Variants in LGR6 observed in about 807,000 individuals in gnomAD.
LGR6 encodes leucine rich repeat containing G protein-coupled receptor 6.
LGR6 carries 45 observed loss-of-function variants against 69.4 expected under a neutral mutation model. That is an observed-to-expected ratio of 0.65 (90% CI 0.51 to 0.83). LGR6 has a LOEUF of 0.83. Ranked by LOEUF, LGR6 falls within the 40% of genes least tolerant of loss-of-function variation. The pLI is 0.00. For missense variants in LGR6, 1,108 were observed against 1,246.7 expected, an observed-to-expected ratio of 0.89 and a Z score of 1.68; for synonymous variants, 538 against 555.0, an observed-to-expected ratio of 0.97 and a Z score of 0.43.
chr1:202,245,255 G>C (rs368226175), intron 4 of LGR6, among the ~76,000 whole-genome samples: 1 of 141,678 alleles, frequency 7.1e-6, no homozygotes, highest in Non-Finnish European at 1.5e-5. Flanking sequence ...CCAAGGTTCC[G>C]GGAGTTGATT....
At chr1:202,251,195 GAGA>G (rs919012248) in intron 4 of LGR6, among the ~76,000 whole-genome samples, 232 of 152,304 alleles carry the variant, frequency 1.5e-3, no homozygotes, top group African/African-American at 5.3e-3. Context: ...AATTCACAGA[GAGA>G]AGGTGTATGA....
intron 3 of LGR6, among the ~76,000 whole-genome samples, chr1:202,229,814 CA>C (rs1558019159): frequency 1.3e-5 from 2 of 152,202 alleles, no homozygotes. Context: ...GCCTTTGTGT[CA>C]GTCCTTGGCC....
At position 202,318,486 on chromosome 1, in the gene LGR6, C is replaced by T; in HGVS notation, c.2183C>T (p.Ala728Val). 1 of 1,613,834 alleles carries T rather than the reference C, an allele frequency of 6.2e-7. No homozygotes were observed. ...TACGCGCCACCTGAGGGTCAGCCAG[C>T]AGCCCTGGGCTTCACCGTGGCCCTG... ...LPYAPPEGQP[A>V]ALGFTVALVM... Residue 728 changes from alanine (A) to valine (V), a missense_variant, in exon 18 of 18, where the codon GCA becomes GTA. Physicochemically the swap from Ala to Val is moderately conservative, Grantham distance 64. Coordinates refer to ENST00000367278, the MANE Select transcript of LGR6 (RefSeq NM_001017403.2).
chr1:202,318,077 GT>G lies in LGR6; in HGVS notation c.1775del (p.Val592AlafsTer10), dbSNP rs113146160. ...VLLTVFAGGPVPLPPVKFVVG... is the reference protein window; with the variant it reads ...VLLTVFAGGPXPLPPVKFVVG... ...GCTGACCGTGTTCGCTGGCGGGCCT[GT>G]CCCCCTGCCCCCGGTCAAGTTTGTG... On this transcript the variant is annotated frameshift_variant, in exon 18 of 18. Transcript: ENST00000367278. LOFTEE classifies it low-confidence loss of function (END_TRUNC). The G allele has an allele frequency of 1.9e-6, 3 of 1,613,850 alleles. No individual in the cohort carries two copies. The highest frequency in any genetic ancestry group is 1.3e-5 in the African/African-American group (1 of 75,044).
chr1:202,256,873 A>G (rs530042783), intron 4 of LGR6, among the ~76,000 whole-genome samples: 6 of 152,222 alleles, frequency 3.9e-5, no homozygotes, highest in African/African-American at 1.4e-4. Context: ...ATCCTTGCCA[A>G]CACTTGTTAT....
intron 4 of LGR6, among the ~76,000 whole-genome samples, chr1:202,253,525 G>A (rs1043537970): frequency 1.6e-4 from 24 of 151,012 alleles, no homozygotes; most frequent in Admixed American, 7.9e-4. Flanking sequence ...GGCTGGTCTC[G>A]AACTCATGAC....
chr1:202,195,419 C>T (rs1034898998), intron 1 of LGR6, among the ~76,000 whole-genome samples: 3 of 152,172 alleles, frequency 2.0e-5, no homozygotes, highest in Admixed American at 6.5e-5. Flanking sequence ...GTCCCTGTCC[C>T]CAGGTTGGGA....
intron 1 of LGR6, among the ~76,000 whole-genome samples, chr1:202,217,478 CT>C (rs1486357132): frequency 6.6e-6 from 1 of 152,190 alleles, no homozygotes; most frequent in African/African-American, 2.4e-5. Flanking sequence ...AAAACCCCAC[CT>C]TTTTGTTTCT....
chr1:202,252,968 G>A (rs180794473), intron 4 of LGR6, among the ~76,000 whole-genome samples: 56 of 152,322 alleles, frequency 3.7e-4, no homozygotes, highest in African/African-American at 1.3e-3. Context: ...GGGCTTCAAC[G>A]CACCCAGCAG....
intron 3 of LGR6, among the ~76,000 whole-genome samples, chr1:202,229,070 G>A (rs1226795210): frequency 6.6e-6 from 1 of 152,164 alleles, no homozygotes; most frequent in Non-Finnish European, 1.5e-5. Flanking sequence ...AATGTACTCA[G>A]AGGTGCTGAT....
chr1:202,279,431 G>A (rs1571953134), intron 5 of LGR6, among the ~76,000 whole-genome samples: 1 of 152,124 alleles, frequency 6.6e-6, no homozygotes, highest in South Asian at 2.1e-4. Context: ...ACAACATCTT[G>A]GAGGCCAGCC....
chr1:202,199,036 CT>C (rs1284032470), intron 1 of LGR6, among the ~76,000 whole-genome samples: 2 of 152,114 alleles, frequency 1.3e-5, no homozygotes, highest in African/African-American at 2.4e-5. Flanking sequence ...CTATGAGACC[CT>C]GTGCAAGTCC....
intron 4 of LGR6, among the ~76,000 whole-genome samples, chr1:202,256,162 T>A (rs1663754889): frequency 6.6e-6 from 1 of 152,246 alleles, no homozygotes. Context: ...TATCTGGCTT[T>A]TTTTACTTAG....
At chr1:202,215,837 G>T (rs1216298554) in intron 1 of LGR6, among the ~76,000 whole-genome samples, 1 of 152,240 alleles carries the variant, frequency 6.6e-6, no homozygotes, top group Non-Finnish European at 1.5e-5. Context: ...TGAATGAGCA[G>T]TCTGAGATTA....
At chr1:202,309,474 C>G (rs1230790027) in intron 15 of LGR6, among the ~76,000 whole-genome samples, 2 of 152,234 alleles carry the variant, frequency 1.3e-5, no homozygotes, top group East Asian at 3.9e-4. Flanking sequence ...CTCCTTGCAC[C>G]CCATCTGGTT....
intron 10 of LGR6, 55 bp downstream of exon 10, chr1:202,303,402 G>C: frequency 7.2e-7 from 1 of 1,379,624 alleles, no homozygotes; most frequent in South Asian, 1.2e-5. Flanking sequence ...ATTCCCAAGA[G>C]CTCTTCCACT....
intron 6 of LGR6, among the ~76,000 whole-genome samples, chr1:202,296,829 T>A (rs1169119734): frequency 6.6e-6 from 1 of 152,232 alleles, no homozygotes; most frequent in African/African-American, 2.4e-5. Flanking sequence ...TATCAAATAG[T>A]TTCTAAAGGG....
At chr1:202,253,078 G>A (rs1484121636) in intron 4 of LGR6, among the ~76,000 whole-genome samples, 1 of 152,166 alleles carries the variant, frequency 6.6e-6, no homozygotes, top group Non-Finnish European at 1.5e-5. Flanking sequence ...GGTGATGTTT[G>A]ATTTTAGGGT....
At chr1:202,284,344 G>T (rs969843810) in intron 6 of LGR6, among the ~76,000 whole-genome samples, 4 of 152,192 alleles carry the variant, frequency 2.6e-5, no homozygotes, top group African/African-American at 7.2e-5. Flanking sequence ...CTGGGAAATT[G>T]AGAATCAGAG....
Sources: allele counts gnomAD v4.1 joint callset (sites outside exome capture counted in the v4.1 genomes callset), GRCh38; gene constraint gnomAD v4.1.1; transcripts MANE v1.5; gene names NCBI Gene and HGNC (gene_info 2026-07-23, HGNC 2026-07-21).